Variants in DPP10 observed in about 807,000 individuals in gnomAD.
DPP10 encodes inactive dipeptidyl peptidase 10.
In DPP10, 33 loss-of-function variants were observed where a neutral mutation model predicts 120.9. That is an observed-to-expected ratio of 0.27 (90% CI 0.21 to 0.37). The LOEUF (loss-of-function observed/expected upper bound fraction) is 0.37. DPP10 is among the 10% of genes least tolerant of loss of function. The probability of loss-of-function intolerance (pLI) is 1.00; values close to 1 mark genes in which losing one functional copy is unlikely to be tolerated. For missense variants in DPP10, 816 were observed against 942.8 expected (o/e 0.87, Z 1.76); for synonymous variants, 337 against 326.1 (o/e 1.03, Z -0.36).
chr2:115,744,579 T>C (rs1677710098), intron 9 of DPP10, among the ~76,000 whole-genome samples: 1 of 150,428 alleles, frequency 6.6e-6, no homozygotes. Context: ...TCTTAACAGT[T>C]ACCTCATTTC....
chr2:115,757,278 A>G (rs1679534507), intron 11 of DPP10, among the ~76,000 whole-genome samples: 2 of 152,022 alleles, frequency 1.3e-5, no homozygotes, highest in African/African-American at 2.4e-5. Context: ...AACACGTGTA[A>G]TAGTCTGTTT....
At position 114,694,992 on chromosome 2, in the gene DPP10, A is replaced by T. The variant is rs147657366; in HGVS notation, c.60+252154A>T. 3.9e-5 allele frequency among the ~76,000 whole-genome samples: 6 copies of T among 152,170 alleles called. No individual in the cohort carries two copies. In the East Asian group the frequency reaches 1.2e-3, roughly 29 times the overall value. ...GAGTAAAAAATCTCAGCTAGAAGTTAAGAAGGGTCAGCTCACGGAGGACCT... is the reference window on the plus strand; with the variant it reads ...GAGTAAAAAATCTCAGCTAGAAGTTTAGAAGGGTCAGCTCACGGAGGACCT... On this transcript the variant is annotated intron_variant, in intron 1 of 25. Transcript: ENST00000410059.
chr2:114,631,749 A>G (rs1452048925), intron 1 of DPP10, among the ~76,000 whole-genome samples: 1 of 152,192 alleles, frequency 6.6e-6, no homozygotes, highest in Non-Finnish European at 1.5e-5. Context: ...TCAGGACCAC[A>G]CTACCATTAT....
chr2:115,505,495 C>A (rs1253810689), intron 4 of DPP10, among the ~76,000 whole-genome samples: 4 of 152,048 alleles, frequency 2.6e-5, no homozygotes, highest in East Asian at 1.9e-4. Flanking sequence ...AACCAACAGG[C>A]AGCTAGATTT....
At chr2:115,514,010 T>A (rs1575065351) in intron 4 of DPP10, among the ~76,000 whole-genome samples, 1 of 151,996 alleles carries the variant, frequency 6.6e-6, no homozygotes, top group Non-Finnish European at 1.5e-5. Flanking sequence ...CCTTCCTTTA[T>A]GAGAGAAAGT....
intron 5 of DPP10, among the ~76,000 whole-genome samples, chr2:115,657,918 G>A (rs577665905): frequency 7.9e-5 from 12 of 151,838 alleles, no homozygotes; most frequent in African/African-American, 2.4e-4. Context: ...ACAGCTGTGT[G>A]GAAGAACCTT....
intron 7 of DPP10, among the ~76,000 whole-genome samples, chr2:115,721,258 C>G (rs2092642589): frequency 6.6e-6 from 1 of 152,122 alleles, no homozygotes; most frequent in Non-Finnish European, 1.5e-5. Flanking sequence ...GTAACTATCA[C>G]CAATTATTTT....
intron 1 of DPP10, among the ~76,000 whole-genome samples, chr2:114,994,271 C>G (rs1393435564): frequency 6.6e-6 from 1 of 152,084 alleles, no homozygotes; most frequent in East Asian, 1.9e-4. Flanking sequence ...GGGGTAAATG[C>G]AATTACTATG....
intron 3 of DPP10, among the ~76,000 whole-genome samples, chr2:115,449,348 CAG>C (rs1374293533): frequency 6.6e-6 from 1 of 151,862 alleles, no homozygotes; most frequent in African/African-American, 2.4e-5. Flanking sequence ...AAAAAAATAT[CAG>C]AGAAACATAT....
intron 1 of DPP10, among the ~76,000 whole-genome samples, chr2:114,452,545 G>T (rs1181107397): frequency 6.6e-6 from 1 of 152,128 alleles, no homozygotes; most frequent in African/African-American, 2.4e-5. Flanking sequence ...AGGCAAACGT[G>T]AGCATTGTCC....
chr2:114,750,017 A>T (rs1234144377), intron 1 of DPP10, among the ~76,000 whole-genome samples: 4 of 152,236 alleles, frequency 2.6e-5, no homozygotes, highest in Non-Finnish European at 5.9e-5. Context: ...CTTTAGTGGT[A>T]GAAATATGTG....
rs551090388 is a variant in DPP10 at position 115,141,805 on chromosome 2, G to A, written c.61-167434G>A. On this transcript the variant is annotated intron_variant, in intron 1 of 25. Coordinates refer to ENST00000410059, the MANE Select transcript of DPP10 (RefSeq NM_020868.6). ...GTTTGCCTGTTTGAGATGGAGTCTC[G>A]CTCTGTCACCCAGGCTGGAGTGCAG... is the stretch of plus-strand genomic sequence containing the variant. Among the ~76,000 whole-genome samples the A allele has an allele frequency of 8.5e-4, 129 of 152,110 alleles. No homozygotes were observed. In the Middle Eastern group the frequency reaches 0.014, roughly 16 times the overall value.
chr2:115,760,009 C>CA (rs144992490), intron 11 of DPP10, among the ~76,000 whole-genome samples: 2,023 of 139,098 alleles, frequency 0.015, 21 homozygotes, highest in South Asian at 0.03. Context: ...AACTCCGTCA[C>CA]AAAAAAAAAA....
intron 5 of DPP10, among the ~76,000 whole-genome samples, chr2:115,573,866 A>G (rs1162089047): frequency 6.6e-6 from 1 of 152,022 alleles, no homozygotes; most frequent in Non-Finnish European, 1.5e-5. Flanking sequence ...AGTATTTTTA[A>G]ACTCTTGGTT....
At chr2:114,884,462 G>A (rs542445279) in intron 1 of DPP10, among the ~76,000 whole-genome samples, 1 of 152,038 alleles carries the variant, frequency 6.6e-6, no homozygotes, top group Non-Finnish European at 1.5e-5. Context: ...ATTCCTCCAG[G>A]CCACTTCCTC....
At chr2:115,556,120 G>T (rs904859693) in intron 5 of DPP10, among the ~76,000 whole-genome samples, 1 of 151,998 alleles carries the variant, frequency 6.6e-6, no homozygotes, top group Non-Finnish European at 1.5e-5. Context: ...AAGTTAACTT[G>T]TAGGCTTTTT....
intron 1 of DPP10, among the ~76,000 whole-genome samples, chr2:114,443,485 T>A (rs529360129): frequency 6.6e-6 from 1 of 152,256 alleles, no homozygotes; most frequent in African/African-American, 2.4e-5. Context: ...AAGAACAAAC[T>A]CACAATTTCA....
intron 5 of DPP10, among the ~76,000 whole-genome samples, chr2:115,593,800 C>G (rs2082825684): frequency 6.6e-6 from 1 of 152,130 alleles, no homozygotes; most frequent in Non-Finnish European, 1.5e-5. Context: ...AAGTTTTAGT[C>G]TTATTATACT....
chr2:115,357,692 A>G (rs1428795723), intron 3 of DPP10, among the ~76,000 whole-genome samples: 1 of 152,078 alleles, frequency 6.6e-6, no homozygotes, highest in Non-Finnish European at 1.5e-5. Flanking sequence ...CCTACTCCAC[A>G]TTTTCCTTCT....
Sources: allele counts gnomAD v4.1 joint callset (sites outside exome capture counted in the v4.1 genomes callset), GRCh38; gene constraint gnomAD v4.1.1; transcripts MANE v1.5; gene names NCBI Gene and HGNC (gene_info 2026-07-23, HGNC 2026-07-21).